Variants in SEC14L1 observed in about 807,000 individuals in gnomAD.
The protein encoded by SEC14L1 is SEC14-like protein 1.
Under a neutral mutation model 85.3 loss-of-function variants are expected in SEC14L1, and 48 were observed. That is an observed-to-expected ratio of 0.56 (90% CI 0.45 to 0.72). The LOEUF (loss-of-function observed/expected upper bound fraction) is 0.72, where lower values mean the gene tolerates loss of function less well. SEC14L1 is among the 30% of genes least tolerant of loss of function. The probability of loss-of-function intolerance (pLI) is 0.00; values close to 1 mark genes in which losing one functional copy is unlikely to be tolerated. For synonymous variants in SEC14L1, 391 were observed against 355.5 expected (o/e 1.10, Z -1.12); for missense variants, 682 against 921.4 (o/e 0.74, Z 3.36).
chr17:77,137,377 G>A (rs1220443399), upstream of SEC14L1, among the ~76,000 whole-genome samples: 1 of 152,198 alleles, frequency 6.6e-6, no homozygotes, highest in Non-Finnish European at 1.5e-5. Context: ...AGGTCACATG[G>A]TGAAAGCAGG....
At chr17:77,139,699 C>T (rs1972913694), upstream of SEC14L1, among the ~76,000 whole-genome samples, 1 of 151,794 alleles carries the variant, frequency 6.6e-6, no homozygotes, top group Non-Finnish European at 1.5e-5. Flanking sequence ...GGGATTTCAC[C>T]GTGTTAGCCA....
chr17:77,173,149 C>A (rs1006033982), intron 3 of SEC14L1, among the ~76,000 whole-genome samples: 1 of 152,158 alleles, frequency 6.6e-6, no homozygotes, highest in Admixed American at 6.6e-5. Flanking sequence ...GGTTTCGGAC[C>A]TCTGAGCTAG....
At chr17:77,158,184 G>A (rs1396321484) in intron 3 of SEC14L1, among the ~76,000 whole-genome samples, 2 of 152,178 alleles carry the variant, frequency 1.3e-5, no homozygotes, top group Admixed American at 6.5e-5. Context: ...CATCGTGCCC[G>A]GCCTGTAACC....
chr17:77,161,320 G>A (rs1974042867), intron 3 of SEC14L1, among the ~76,000 whole-genome samples: 1 of 152,114 alleles, frequency 6.6e-6, no homozygotes, highest in Non-Finnish European at 1.5e-5. Flanking sequence ...AACCCTGTCT[G>A]TACTAAAAAT....
chr17:77,209,116 G>A (rs1321911888), intron 13 of SEC14L1, among the ~76,000 whole-genome samples: 1 of 152,182 alleles, frequency 6.6e-6, no homozygotes, highest in Non-Finnish European at 1.5e-5. Context: ...TGGTACATCA[G>A]CTTCAACTTG....
At chr17:77,166,289 T>C (rs1050384960) in intron 3 of SEC14L1, among the ~76,000 whole-genome samples, 20 of 152,200 alleles carry the variant, frequency 1.3e-4, no homozygotes, top group African/African-American at 4.8e-4. Context: ...TGTTTTCTTA[T>C]TTAATCTTTC....
Position 77,212,169 on chromosome 17 carries a change from C to A in SEC14L1, c.1831C>A (p.Pro611Thr). 6.2e-7 allele frequency: 1 copy of A among 1,613,904 alleles called. No individual in the cohort carries two copies. The highest frequency in any genetic ancestry group is 8.5e-7 in the Non-Finnish European group (1 of 1,180,022). ...CCGCGACTACAGCATGGTGGAGTCG[C>A]CTCTGATCTGCAAAGAAGGAGAAAG... ...LGRDYSMVES[P>T]LICKEGESVQ... is the part of the protein sequence containing the mutation. Residue 611 changes from proline to threonine, a missense_variant, in exon 15 of 17, where the codon CCT becomes ACT. Physicochemically the swap from Pro to Thr is conservative, Grantham distance 38. Coordinates refer to ENST00000436233, the MANE Select transcript of SEC14L1 (RefSeq NM_001143998.2).
chr17:77,162,824 C>CT (rs1485185809), intron 3 of SEC14L1, among the ~76,000 whole-genome samples: 1 of 84,752 alleles, frequency 1.2e-5, no homozygotes, highest in African/African-American at 4.3e-5. Context: ...GAGCGAAACT[C>CT]TGTCTCAAAA....
At chr17:77,161,948 A>T (rs1352582209) in intron 3 of SEC14L1, among the ~76,000 whole-genome samples, 21 of 104,864 alleles carry the variant, frequency 2.0e-4, no homozygotes, top group African/African-American at 5.2e-4. Flanking sequence ...TTTTTTTTTT[A>T]AACAAACCCT....
rs1187283097 is a variant in SEC14L1, at chr17:77,215,234, C to T, written c.*1211C>T. 1 of 985,268 alleles carries T rather than the reference C, an allele frequency of 1.0e-6. No homozygotes were observed. Among genetic ancestry groups the T allele is most frequent in the Non-Finnish European group, 1.2e-6 (1 of 829,940 alleles). 61.0% of individuals were successfully genotyped at this position (985,268 alleles called of 1,614,324 possible). A position where few individuals can be genotyped will look rare whatever the true frequency, so the allele number is the denominator to read the frequency against. ...TTTTGTTTAATTCCTGATTTTAAAGCCTGCTCTATCTGGTACAGGCCCTTA... is the reference window on the plus strand; with the variant it reads ...TTTTGTTTAATTCCTGATTTTAAAGTCTGCTCTATCTGGTACAGGCCCTTA... On this transcript the variant is annotated 3_prime_UTR_variant, in exon 17 of 17. Transcript: ENST00000436233.
At chr17:77,107,944 A>C (rs948001609) in intron 3 of SEC14L1, among the ~76,000 whole-genome samples, 2 of 151,984 alleles carry the variant, frequency 1.3e-5, no homozygotes, top group Admixed American at 1.3e-4. Flanking sequence ...GGGTCTCACT[A>C]TGTTGCCCAG....
chr17:77,186,642 G>A (rs1469018743), intron 3 of SEC14L1, among the ~76,000 whole-genome samples: 1 of 152,224 alleles, frequency 6.6e-6, no homozygotes, highest in Non-Finnish European at 1.5e-5. Context: ...CAAGAAAACT[G>A]AGGGTGACTT....
At chr17:77,119,733 G>T (rs1285007282) in intron 3 of SEC14L1, among the ~76,000 whole-genome samples, 1 of 152,124 alleles carries the variant, frequency 6.6e-6, no homozygotes, top group African/African-American at 2.4e-5. Flanking sequence ...TTACACTCCA[G>T]CAGTTCATAC....
At chr17:77,092,424 T>C (rs577103590) in intron 2 of SEC14L1, among the ~76,000 whole-genome samples, 1 of 152,296 alleles carries the variant, frequency 6.6e-6, no homozygotes, top group Non-Finnish European at 1.5e-5. Context: ...AAAGGCTGTT[T>C]CCATCTGCTG....
chr17:77,133,697 G>C (rs77439146), intron 3 of SEC14L1, among the ~76,000 whole-genome samples: 20,794 of 152,076 alleles, frequency 0.14, 1,673 homozygotes, highest in East Asian at 0.26. Flanking sequence ...CCAGCACTTT[G>C]GGAGGCCGAG....
At chr17:77,136,407 A>C (rs1031723692), upstream of SEC14L1, among the ~76,000 whole-genome samples, 6 of 150,662 alleles carry the variant, frequency 4.0e-5, no homozygotes, top group African/African-American at 1.2e-4. Flanking sequence ...AAATTTTTCA[A>C]ACACACATTA....
At chr17:77,205,408 T>C in intron 11 of SEC14L1, 62 bp downstream of exon 11, 2 of 1,438,354 alleles carry the variant, frequency 1.4e-6, no homozygotes, top group Non-Finnish European at 1.9e-6. Flanking sequence ...ATATTTCTAG[T>C]TGATTTTTGG....
At chr17:77,111,746 A>G (rs752120748) in intron 3 of SEC14L1, among the ~76,000 whole-genome samples, 8 of 152,148 alleles carry the variant, frequency 5.3e-5, no homozygotes, top group Non-Finnish European at 1.2e-4. Flanking sequence ...CCCCCATTGT[A>G]TGTAGGAAGT....
In SEC14L1 at chr17:77,161,937, T is replaced by C. The variant is rs76679287; in HGVS notation, c.63+18278T>C. Among the ~76,000 whole-genome samples the C allele has an allele frequency of 3.4e-3, 512 of 150,236 alleles. 1 individual carries two copies. The highest frequency in any genetic ancestry group is 0.011 in the African/African-American group (469 of 40,968). Reference sequence around the variant, plus strand: ...TCTTTTCTTCTTTCTTCTTCTTCTTTTTTTTTTTTTAAACAAACCCTTGTG... The same window carrying C: ...TCTTTTCTTCTTTCTTCTTCTTCTTCTTTTTTTTTTAAACAAACCCTTGTG... On this transcript the variant is annotated intron_variant, in intron 3 of 16. Coordinates refer to ENST00000436233, the MANE Select transcript of SEC14L1 (RefSeq NM_001143998.2).
Sources: gnomAD v4.1 joint callset for allele counts (sites outside exome capture counted in the v4.1 genomes callset) on GRCh38, gnomAD v4.1.1 for gene constraint, MANE v1.5 for transcripts, NCBI Gene and HGNC (gene_info 2026-07-23, HGNC 2026-07-21) for gene names.